SPATA7: variants seen among roughly 807,000 people sequenced by gnomAD.
SPATA7 encodes spermatogenesis-associated protein 7.
In SPATA7, 43 loss-of-function variants were observed where a neutral mutation model predicts 51.8. The ratio of observed to expected loss-of-function variants is 0.83; its 90% CI spans 0.65 to 1.07. SPATA7 has a LOEUF of 1.07. Ranked by LOEUF, SPATA7 falls within the 50% of genes least tolerant of loss-of-function variation. The pLI is 0.00. For missense variants in SPATA7, 683 were observed against 701.3 expected, an observed-to-expected ratio of 0.97 and a Z score of 0.30; for synonymous variants, 230 against 252.8, an observed-to-expected ratio of 0.91 and a Z score of 0.86.
intron 4 of SPATA7, among the ~76,000 whole-genome samples, chr14:88,405,230 A>G (rs74929202): frequency 1.5e-3 from 222 of 152,344 alleles, no homozygotes; most frequent in Admixed American, 2.5e-3. Flanking sequence ...CCAACTGAAG[A>G]GTAATAGATG....
chr14:88,390,508 C>T (rs1050468400), intron 1 of SPATA7, among the ~76,000 whole-genome samples: 2 of 152,152 alleles, frequency 1.3e-5, no homozygotes, highest in Non-Finnish European at 2.9e-5. Flanking sequence ...CCTAATAGTT[C>T]CTGTCAAAGG....
At chr14:88,419,760 C>T (rs769833813) in intron 5 of SPATA7, among the ~76,000 whole-genome samples, 8 of 151,910 alleles carry the variant, frequency 5.3e-5, no homozygotes, top group Non-Finnish European at 8.8e-5. Context: ...CTCCTGACCT[C>T]GTGATCTGCC....
At chr14:88,447,540 G>A (rs554180677) in intron 3 of SPATA7, among the ~76,000 whole-genome samples, 4 of 151,998 alleles carry the variant, frequency 2.6e-5, no homozygotes, top group African/African-American at 9.7e-5. Context: ...ATGTTAGCTG[G>A]TTATTTTGCT....
intron 7 of SPATA7, chr14:88,428,795 A>G (rs1208890626): frequency 6.5e-6 from 1 of 154,328 alleles, no homozygotes; most frequent in Non-Finnish European, 1.4e-5. Context: ...CCATATTTTA[A>G]CAGCACCTTT....
chr14:88,436,448 T>C (rs1291410898), intron 10 of SPATA7, among the ~76,000 whole-genome samples: 1 of 152,192 alleles, frequency 6.6e-6, no homozygotes, highest in East Asian at 1.9e-4. Flanking sequence ...TTTGTCCATG[T>C]TTGCTTTGGT....
At chr14:88,392,169 G>A (rs1210077692) in intron 2 of SPATA7, among the ~76,000 whole-genome samples, 2 of 151,908 alleles carry the variant, frequency 1.3e-5, no homozygotes, top group Non-Finnish European at 2.9e-5. Flanking sequence ...ATATATGTAT[G>A]TAACATAGCC....
At chr14:88,460,899 C>T (rs1049280825) in intron 4 of SPATA7, among the ~76,000 whole-genome samples, 1 of 152,156 alleles carries the variant, frequency 6.6e-6, no homozygotes, top group Admixed American at 6.5e-5. Flanking sequence ...TGTGGATGTC[C>T]TTTCTGTTTG....
At chr14:88,460,892 G>A (rs1441373311) in intron 4 of SPATA7, among the ~76,000 whole-genome samples, 1 of 152,160 alleles carries the variant, frequency 6.6e-6, no homozygotes, top group Non-Finnish European at 1.5e-5. Context: ...GTTTTGATGT[G>A]GATGTCCTTT....
Position 88,438,014 on chromosome 14 carries a change from TCAA to T in SPATA7, c.1396_1398del (p.Gln466del). ...GTGAAGTAACAATTCAGCAGGAACGTCAACAATACCAAAAGGCTTTGGATATGT... is the reference window on the plus strand; with the variant it reads ...GTGAAGTAACAATTCAGCAGGAACGTCAATACCAAAAGGCTTTGGATATGT... On this transcript the variant is annotated inframe_deletion, in exon 12 of 12. Coordinates refer to ENST00000393545, the MANE Select transcript of SPATA7 (RefSeq NM_018418.5). 1 of 1,614,092 alleles carries T rather than the reference TCAA, an allele frequency of 6.2e-7. No homozygotes were observed. The highest frequency in any genetic ancestry group is 8.5e-7 in the Non-Finnish European group (1 of 1,180,000).
intron 4 of SPATA7, among the ~76,000 whole-genome samples, chr14:88,461,517 G>A (rs1343109327): frequency 6.6e-6 from 1 of 152,200 alleles, no homozygotes; most frequent in Admixed American, 6.5e-5. Flanking sequence ...CCAGGTGTGG[G>A]ATATAATCTC....
chr14:88,468,457 T>G (rs2077400694), intron 4 of SPATA7, among the ~76,000 whole-genome samples: 1 of 152,184 alleles, frequency 6.6e-6, no homozygotes. Context: ...AAATAGAATG[T>G]CCATGCAGAC....
intron 6 of SPATA7, among the ~76,000 whole-genome samples, chr14:88,427,165 G>T (rs1311528393): frequency 2.0e-5 from 3 of 152,236 alleles, no homozygotes; most frequent in Non-Finnish European, 4.4e-5. Context: ...CAACTGCCAA[G>T]AATAATTTTA....
At chr14:88,416,681 A>G (rs1163817606) in intron 4 of SPATA7, 30 bp from the exon 5 acceptor site, 3 of 1,611,408 alleles carry the variant, frequency 1.9e-6, no homozygotes, top group Non-Finnish European at 1.7e-6. Context: ...ATTTTGTTCC[A>G]TATTTTGAAA....
At chr14:88,416,374 T>A in intron 4 of SPATA7, 1 of 211,462 alleles carries the variant, frequency 4.7e-6, no homozygotes, top group Non-Finnish European at 9.3e-6. Context: ...CTTATGCCCT[T>A]AGGCTTGGCC....
downstream of SPATA7, among the ~76,000 whole-genome samples, chr14:88,460,091 T>A (rs2077307879): frequency 3.3e-5 from 5 of 152,264 alleles, no homozygotes; most frequent in Admixed American, 3.3e-4. Context: ...GTTAGTCTGA[T>A]GGTCTTCCCT....
chr14:88,441,250 A>G (rs1215377507), downstream of SPATA7, among the ~76,000 whole-genome samples: 1 of 151,968 alleles, frequency 6.6e-6, no homozygotes, highest in African/African-American at 2.4e-5. Context: ...TTGTTGATCG[A>G]TGGGCATATG....
chr14:88,386,530 C>T (rs1379810789), intron 1 of SPATA7, among the ~76,000 whole-genome samples: 1 of 152,102 alleles, frequency 6.6e-6, no homozygotes, highest in African/African-American at 2.4e-5. Context: ...GCAGTTTTAG[C>T]AGCAATCCGT....
chr14:88,463,923 C>G (rs918134542), intron 4 of SPATA7, among the ~76,000 whole-genome samples: 4 of 152,076 alleles, frequency 2.6e-5, no homozygotes, highest in African/African-American at 9.7e-5. Flanking sequence ...TCTCGGCTCA[C>G]TGCAACCTCT....
At position 88,433,328 on chromosome 14, in the gene SPATA7, A is replaced by G. The variant is rs550760041; in HGVS notation, c.1160+116A>G. 10 of 723,064 alleles carry G rather than the reference A, an allele frequency of 1.4e-5. No homozygotes were observed. The East Asian group carries it at 2.5e-4, about 18-fold the overall frequency. 44.8% of individuals were successfully genotyped at this position (723,064 alleles called of 1,614,324 possible). On this transcript the variant is annotated intron_variant, in intron 10 of 11. Transcript: ENST00000393545. Reference sequence around the variant, plus strand: ...TTCCCATATTAGGAAATGAAAAAATATATTGCTTTCTTGGAAACTTATTAT... The same window carrying G: ...TTCCCATATTAGGAAATGAAAAAATGTATTGCTTTCTTGGAAACTTATTAT...
Sources: gnomAD v4.1 joint callset for allele counts (sites outside exome capture counted in the v4.1 genomes callset) on GRCh38, gnomAD v4.1.1 for gene constraint, MANE v1.5 for transcripts, NCBI Gene and HGNC (gene_info 2026-07-23, HGNC 2026-07-21) for gene names.